The following FAM3C variants were observed in gnomAD, a reference collection of about 807,000 sequenced individuals.
FAM3C encodes the protein protein FAM3C.
In FAM3C, 15 loss-of-function variants were observed where a neutral mutation model predicts 32.5. The ratio of observed to expected loss-of-function variants is 0.46; its 90% CI spans 0.31 to 0.71. The LOEUF is 0.71. Ranked by LOEUF, FAM3C falls within the 30% of genes least tolerant of loss-of-function variation. FAM3C has a pLI of 0.05. For synonymous variants in FAM3C, 75 were observed against 86.1 expected (o/e 0.87, Z 0.72); for missense variants, 175 against 274.4 (o/e 0.64, Z 2.56).
intron 1 of FAM3C, among the ~76,000 whole-genome samples, chr7:121,383,932 T>C (rs1010015704): frequency 6.6e-6 from 1 of 152,186 alleles, no homozygotes; most frequent in Non-Finnish European, 1.5e-5. Context: ...TTTTAGATTG[T>C]ATTTTGATAT....
At chr7:121,380,732 T>TA (rs1225813299) in intron 2 of FAM3C, among the ~76,000 whole-genome samples, 3 of 138,556 alleles carry the variant, frequency 2.2e-5, no homozygotes, top group Admixed American at 7.1e-5. Context: ...ATACAAACAT[T>TA]TTATATATAT....
chr7:121,373,548 T>A (rs545162810), intron 3 of FAM3C, among the ~76,000 whole-genome samples: 16 of 152,322 alleles, frequency 1.1e-4, no homozygotes, highest in African/African-American at 3.6e-4. Context: ...CTTCATTTCA[T>A]GGAACAATAA....
intron 1 of FAM3C, among the ~76,000 whole-genome samples, chr7:121,388,688 C>A (rs1417589618): frequency 1.3e-5 from 2 of 152,112 alleles, no homozygotes; most frequent in African/African-American, 2.4e-5. Flanking sequence ...TCTGAATCAA[C>A]ATCATCTGGC....
chr7:121,393,083 G>A (rs1235162107), intron 1 of FAM3C, among the ~76,000 whole-genome samples: 5 of 152,186 alleles, frequency 3.3e-5, no homozygotes, highest in Admixed American at 3.3e-4. Context: ...ATGAATATGG[G>A]GTTTCCTTTT....
chr7:121,380,417 A>C (rs1385873477), intron 2 of FAM3C, among the ~76,000 whole-genome samples: 1 of 152,178 alleles, frequency 6.6e-6, no homozygotes, highest in Non-Finnish European at 1.5e-5. Context: ...GCTGGAGGCC[A>C]TTACACTAAG....
chr7:121,380,368 C>T (rs1263752175), intron 2 of FAM3C: 1 of 151,726 alleles, frequency 6.6e-6, no homozygotes, highest in Non-Finnish European at 1.5e-5. Flanking sequence ...TAAATGTAAG[C>T]CTACATTAAA....
chr7:121,379,736 T>A (rs943210562), intron 2 of FAM3C, among the ~76,000 whole-genome samples: 3 of 152,182 alleles, frequency 2.0e-5, no homozygotes, highest in Admixed American at 2.0e-4. Context: ...CATTTCTGTA[T>A]AGAAACACTC....
intron 2 of FAM3C, among the ~76,000 whole-genome samples, chr7:121,379,241 C>T (rs1452300220): frequency 2.0e-5 from 3 of 152,058 alleles, no homozygotes; most frequent in African/African-American, 4.8e-5. Flanking sequence ...CAAAGGACTG[C>T]TTGAACCATC....
At chr7:121,362,974 T>C in intron 6 of FAM3C, 27 bp from the exon 7 acceptor site, 1 of 1,100,894 alleles carries the variant, frequency 9.1e-7, no homozygotes, top group Non-Finnish European at 1.4e-6. Flanking sequence ...TCATATCAAA[T>C]TATGCATCTG....
At chr7:121,380,735 A>T (rs1018985838) in intron 2 of FAM3C, among the ~76,000 whole-genome samples, 14 of 143,724 alleles carry the variant, frequency 9.7e-5, no homozygotes, top group African/African-American at 1.8e-4. Context: ...CAAACATTTT[A>T]TATATATATA....
Position 121,350,411 on chromosome 7 carries a change from C to T in FAM3C, c.*50G>A, listed in dbSNP as rs761098288. On this transcript the variant is annotated 3_prime_UTR_variant, in exon 10 of 10. Coordinates refer to ENST00000359943, the MANE Select transcript of FAM3C (RefSeq NM_014888.3). ...ACACATAGCTCTGCCATTTATAGCT[C>T]TCCCATTAAGAGTGAAAGTGCGCTT... The T allele has an allele frequency of 3.4e-5, 54 of 1,609,270 alleles. No homozygotes were observed. Among genetic ancestry groups the T allele is most frequent in the Non-Finnish European group, 4.6e-5 (54 of 1,178,220 alleles).
chr7:121,372,565 T>C (rs1408212818), intron 3 of FAM3C, among the ~76,000 whole-genome samples: 3 of 152,122 alleles, frequency 2.0e-5, no homozygotes, highest in Admixed American at 6.5e-5. Context: ...GAATCTATCT[T>C]AGTGGTGAGG....
At chr7:121,392,832 G>A (rs1262706451) in intron 1 of FAM3C, among the ~76,000 whole-genome samples, 1 of 152,150 alleles carries the variant, frequency 6.6e-6, no homozygotes, top group East Asian at 1.9e-4. Context: ...GTAATGTGGT[G>A]TATATGAATG....
At chr7:121,376,922 T>C (rs1794248261) in intron 3 of FAM3C, among the ~76,000 whole-genome samples, 1 of 152,170 alleles carries the variant, frequency 6.6e-6, no homozygotes, top group South Asian at 2.1e-4. Context: ...TCTCTGGAGA[T>C]TCTTTCGGCA....
Position 121,356,264 on chromosome 7 carries a change from T to C in FAM3C, c.467+3779A>G, listed in dbSNP as rs1010810453. Among the ~76,000 whole-genome samples, 9 of 152,310 alleles carry C rather than the reference T, an allele frequency of 5.9e-5. No homozygotes were observed. The South Asian group carries it at 1.9e-3, about 32-fold the overall frequency. On this transcript the variant is annotated intron_variant, in intron 8 of 9. Coordinates refer to ENST00000359943, the MANE Select transcript of FAM3C (RefSeq NM_014888.3). ...GGAACCCTGTGTTTGATTTGATGCA[T>C]TCATTTTAAGAGAGACAATAATCAA...
intron 1 of FAM3C, among the ~76,000 whole-genome samples, chr7:121,386,137 G>A (rs1794460606): frequency 6.6e-6 from 1 of 152,142 alleles, no homozygotes; most frequent in Non-Finnish European, 1.5e-5. Context: ...CTAAGCTTGG[G>A]TATTGGAACC....
chr7:121,373,995 CA>C (rs34141050), intron 3 of FAM3C, among the ~76,000 whole-genome samples: 33,806 of 106,638 alleles, frequency 0.32, 4,346 homozygotes, highest in African/African-American at 0.48. Context: ...GACTCCGTCT[CA>C]AAAAAAAAAA....
At chr7:121,395,999 G>C (rs1488407035) in intron 1 of FAM3C, among the ~76,000 whole-genome samples, 163 bp downstream of exon 1, 1 of 151,584 alleles carries the variant, frequency 6.6e-6, no homozygotes, top group Non-Finnish European at 1.5e-5. Context: ...CCTCTCCAAC[G>C]TCCGGACACG....
intron 7 of FAM3C, 99 bp from the exon 8 acceptor site, chr7:121,360,226 G>A (rs1360409669): frequency 7.4e-6 from 5 of 675,706 alleles, no homozygotes; most frequent in Admixed American, 2.4e-5. Flanking sequence ...TATCTGTAAA[G>A]CAATAATTTC....
Sources: gnomAD v4.1 joint callset for allele counts (sites outside exome capture counted in the v4.1 genomes callset) on GRCh38, gnomAD v4.1.1 for gene constraint, MANE v1.5 for transcripts, NCBI Gene and HGNC (gene_info 2026-07-23, HGNC 2026-07-21) for gene names.